The following GSE1 variants were observed in gnomAD, a reference collection of about 807,000 sequenced individuals.
GSE1 encodes genetic suppressor element 1.
In GSE1, 32 loss-of-function variants were observed where a neutral mutation model predicts 112.6. The observed-to-expected ratio is 0.28, with a 90% CI of 0.21 to 0.38. The LOEUF is 0.38. GSE1 is among the 10% of genes least tolerant of loss of function. The pLI, the probability that GSE1 is intolerant of heterozygous loss-of-function variation, is 1.00. For missense variants in GSE1, 2,348 were observed against 1,699.2 expected (o/e 1.38, Z -6.71); for synonymous variants, 1,115 against 735.6 (o/e 1.52, Z -8.35).
chr16:85,434,256 G>T (rs1158679377), intron 2 of GSE1, among the ~76,000 whole-genome samples: 1 of 151,762 alleles, frequency 6.6e-6, no homozygotes, highest in East Asian at 1.9e-4. Flanking sequence ...AGCCCCTCCT[G>T]CCCCATGAGC....
intron 1 of GSE1, among the ~76,000 whole-genome samples, chr16:85,605,219 G>T (rs1035621055): frequency 2.0e-5 from 3 of 151,778 alleles, no homozygotes; most frequent in Non-Finnish European, 4.4e-5. Context: ...CCAGGGGCCG[G>T]CAGGGGCTGG....
chr16:85,365,628 A>G (rs989096141), intron 2 of GSE1, among the ~76,000 whole-genome samples: 3 of 152,208 alleles, frequency 2.0e-5, no homozygotes, highest in African/African-American at 7.2e-5. Context: ...GTCCATGTGC[A>G]TTGCCTGGAA....
chr16:85,514,968 C>T (rs964966340), intron 2 of GSE1, among the ~76,000 whole-genome samples: 1 of 151,930 alleles, frequency 6.6e-6, no homozygotes, highest in Non-Finnish European at 1.5e-5. Context: ...TGCATGTGAG[C>T]GTGCATGCAT....
chr16:85,577,904 G>A (rs1194589979), intron 1 of GSE1, among the ~76,000 whole-genome samples: 1 of 152,260 alleles, frequency 6.6e-6, no homozygotes, highest in Admixed American at 6.5e-5. Context: ...CAGCAGTACA[G>A]GTGCTGATGC....
chr16:85,643,132 C>T (rs148678570), intron 2 of GSE1, among the ~76,000 whole-genome samples: 17 of 152,286 alleles, frequency 1.1e-4, no homozygotes, highest in African/African-American at 3.1e-4. Flanking sequence ...CTGTTAATTA[C>T]ATCTGCCCGT....
intron 2 of GSE1, among the ~76,000 whole-genome samples, chr16:85,359,043 A>G (rs2151575084): frequency 6.6e-6 from 1 of 152,072 alleles, no homozygotes; most frequent in African/African-American, 2.4e-5. Context: ...CGTGTTTGTG[A>G]CAGGCCTTGG....
chr16:85,171,246 C>T, exon 1 of GSE1: 2 of 985,594 alleles, frequency 2.0e-6, no homozygotes, highest in Non-Finnish European at 2.4e-6. Flanking sequence ...TCTCCGCCTC[C>T]GACCCTGCCC....
intron 2 of GSE1, among the ~76,000 whole-genome samples, chr16:85,453,165 A>G (rs1433636464): frequency 6.6e-6 from 1 of 152,096 alleles, no homozygotes. Flanking sequence ...CAGCTCCCGT[A>G]TCGGGGGAAG....
chr16:85,484,780 C>T (rs1311878914), intron 2 of GSE1, among the ~76,000 whole-genome samples: 4 of 152,228 alleles, frequency 2.6e-5, no homozygotes, highest in Admixed American at 6.5e-5. Context: ...CTCCATGCGC[C>T]GGCTCTGTGC....
At chr16:85,202,434 C>A (rs1416647183) in intron 1 of GSE1, among the ~76,000 whole-genome samples, 1 of 152,160 alleles carries the variant, frequency 6.6e-6, no homozygotes, top group Admixed American at 6.5e-5. Flanking sequence ...GGGGTGGGGC[C>A]CACAGGACAT....
chr16:85,456,936 C>T (rs58594356), intron 2 of GSE1, among the ~76,000 whole-genome samples: 4,928 of 152,208 alleles, frequency 0.032, 267 homozygotes, highest in African/African-American at 0.11. Context: ...ACAAAACGGG[C>T]CTTGCCTTGC....
At chr16:85,500,689 C>G (rs1265354909) in intron 2 of GSE1, among the ~76,000 whole-genome samples, 1 of 152,232 alleles carries the variant, frequency 6.6e-6, no homozygotes, top group Non-Finnish European at 1.5e-5. Flanking sequence ...CCCCTCCCCC[C>G]ATCAGTGTCC....
chr16:85,542,559 C>T (rs1451227419), intron 2 of GSE1, among the ~76,000 whole-genome samples: 1 of 152,240 alleles, frequency 6.6e-6, no homozygotes, highest in African/African-American at 2.4e-5. Flanking sequence ...GGAGATGCTT[C>T]TGGGTTGCTC....
At chr16:85,202,042 G>A (rs766556128) in intron 1 of GSE1, among the ~76,000 whole-genome samples, 7 of 152,238 alleles carry the variant, frequency 4.6e-5, no homozygotes, top group Non-Finnish European at 1.0e-4. Context: ...TGAGGTGAGT[G>A]CAAGTCCTGG....
chr16:85,441,318 T>C (rs539007327), intron 2 of GSE1, among the ~76,000 whole-genome samples: 1 of 152,252 alleles, frequency 6.6e-6, no homozygotes, highest in South Asian at 2.1e-4. Context: ...GGGGGCACAG[T>C]CACCTCCTAG....
Position 85,654,948 on chromosome 16 carries a change from C to G in GSE1, c.754C>G (p.Pro252Ala). Residue 252 changes from proline (P) to alanine (A), a missense_variant, in exon 5 of 16, where the codon CCC (proline) becomes GCC (alanine). By Grantham distance (27) the Pro-to-Ala change is conservative. Transcript: ENST00000253458. ...DPATAAAYYH[P>A]SYLAPHPFPH... ...GGCCACTGCTGCAGCCTACTACCAC[C>G]CCAGCTACCTGGCCCCACACCCCTT... The G allele has an allele frequency of 6.2e-7, 1 of 1,609,842 alleles. No individual in the cohort carries two copies. Among genetic ancestry groups the G allele is most frequent in the Non-Finnish European group, 8.5e-7 (1 of 1,179,314 alleles).
upstream of GSE1, among the ~76,000 whole-genome samples, chr16:85,551,772 T>C (rs1230741802): frequency 1.3e-5 from 2 of 152,246 alleles, no homozygotes; most frequent in Non-Finnish European, 2.9e-5. Context: ...ACAGCTCTCC[T>C]TCCCGAGGAT....
intron 1 of GSE1, among the ~76,000 whole-genome samples, chr16:85,602,713 C>T (rs898198496): frequency 2.0e-5 from 3 of 152,178 alleles, no homozygotes; most frequent in Non-Finnish European, 2.9e-5. Flanking sequence ...TGAGGACAGC[C>T]GGTTGATCTT....
intron 1 of GSE1, among the ~76,000 whole-genome samples, chr16:85,289,284 G>A (rs540845202): frequency 3.3e-5 from 5 of 152,146 alleles, no homozygotes; most frequent in Non-Finnish European, 7.3e-5. Flanking sequence ...CTCCAATGCT[G>A]GGGTTTTTTC....
Sources: allele counts gnomAD v4.1 joint callset (sites outside exome capture counted in the v4.1 genomes callset), GRCh38; gene constraint gnomAD v4.1.1; transcripts MANE v1.5; gene names NCBI Gene and HGNC (gene_info 2026-07-23, HGNC 2026-07-21).